SH3RF1: variants seen among roughly 807,000 people sequenced by gnomAD.
The protein encoded by SH3RF1 is SH3 domain containing ring finger 1.
SH3RF1 carries 32 observed loss-of-function variants against 74.0 expected under a neutral mutation model. The ratio of observed to expected loss-of-function variants is 0.43; its 90% CI spans 0.33 to 0.58. SH3RF1 has a LOEUF of 0.58. SH3RF1 is among the 20% of genes least tolerant of loss of function. The pLI, the probability that SH3RF1 is intolerant of heterozygous loss-of-function variation, is 0.05. For synonymous variants in SH3RF1, 396 were observed against 439.6 expected (o/e 0.90, Z 1.24); for missense variants, 954 against 1,130.9 (o/e 0.84, Z 2.24).
intron 2 of SH3RF1, among the ~76,000 whole-genome samples, chr4:169,194,851 T>G (rs1486764246): frequency 6.6e-6 from 1 of 152,186 alleles, no homozygotes; most frequent in Non-Finnish European, 1.5e-5. Context: ...CCACACTTTG[T>G]GGGTATAGTG....
intron 2 of SH3RF1, among the ~76,000 whole-genome samples, chr4:169,246,368 G>T (rs991783319): frequency 3.9e-5 from 6 of 152,316 alleles, no homozygotes; most frequent in African/African-American, 1.4e-4. Context: ...CCACCTCGGT[G>T]TGCTATATAG....
In SH3RF1 at chr4:169,116,375, G is replaced by C; in HGVS notation, c.2033C>G (p.Pro678Arg). 6.2e-7 allele frequency: 1 copy of C among 1,614,196 alleles called. No homozygotes were observed. The highest frequency in any genetic ancestry group is 1.1e-5 in the South Asian group (1 of 91,084). ...GAGAACGGTCACTATCCGGCCACTG[G>C]GCTCAGCCTCCAGAGAAGCACTGGT... ...SITSASLEAE[P>R]SGRIVTVLPG... The change falls in exon 10 of 12, where the codon CCC becomes CGC. Residue 678 changes from proline to arginine, a missense_variant. Pro to Arg is a moderately radical substitution (Grantham distance 103, BLOSUM62 -2). Around this residue, in one of 3 missense-constraint regions of SH3RF1, gnomAD observed 854 missense variants for 962.5 expected, o/e 0.89. Coordinates refer to ENST00000284637, the MANE Select transcript of SH3RF1 (RefSeq NM_020870.4).
intron 7 of SH3RF1, 86 bp downstream of exon 7, chr4:169,122,014 A>C: frequency 6.5e-7 from 1 of 1,545,512 alleles, no homozygotes; most frequent in Non-Finnish European, 8.8e-7. Context: ...TCATCAGCTC[A>C]TGTCAGAAAG....
At chr4:169,100,967 C>A (rs781069194) in intron 11 of SH3RF1, among the ~76,000 whole-genome samples, 1 of 152,350 alleles carries the variant, frequency 6.6e-6, no homozygotes, top group Non-Finnish European at 1.5e-5. Context: ...CAAAGCCTGG[C>A]TCCAGTTCTC....
At chr4:169,146,920 G>A (rs1423665160) in intron 4 of SH3RF1, among the ~76,000 whole-genome samples, 1 of 152,134 alleles carries the variant, frequency 6.6e-6, no homozygotes, top group Non-Finnish European at 1.5e-5. Flanking sequence ...CCTAGGCAGA[G>A]AAGACAGCAA....
chr4:169,218,505 A>G (rs1434563076), intron 2 of SH3RF1, among the ~76,000 whole-genome samples: 1 of 147,052 alleles, frequency 6.8e-6, no homozygotes, highest in African/African-American at 2.5e-5. Context: ...GTATATATAT[A>G]TTTGCCCCCA....
chr4:169,131,333 TAA>T lies in SH3RF1; in HGVS notation c.1069-1179_1069-1178del, dbSNP rs369023379. On this transcript the variant is annotated intron_variant, in intron 5 of 11. Coordinates refer to ENST00000284637, the MANE Select transcript of SH3RF1 (RefSeq NM_020870.4). ...ACTAAGTAGATCCAGGGGGTGGCAC[TAA>T]AAAGAGTTTCTCCCCAAACCCAGTT... Among the ~76,000 whole-genome samples, 5 of 152,330 alleles carry T rather than the reference TAA, an allele frequency of 3.3e-5. No homozygotes were observed. In the East Asian group the frequency reaches 5.8e-4, roughly 18 times the overall value.
chr4:169,253,675 A>T (rs948929333), intron 2 of SH3RF1, among the ~76,000 whole-genome samples: 3 of 152,226 alleles, frequency 2.0e-5, no homozygotes, highest in Non-Finnish European at 4.4e-5. Context: ...CCACCTCTGG[A>T]ATTACTTAGT....
At chr4:169,162,205 AT>A (rs1468195544) in intron 2 of SH3RF1, among the ~76,000 whole-genome samples, 1 of 152,234 alleles carries the variant, frequency 6.6e-6, no homozygotes, top group Non-Finnish European at 1.5e-5. Context: ...AACAAAAAAC[AT>A]GTTGGCTTTT....
rs1380214764 is a variant in SH3RF1 at position 169,259,758 on chromosome 4, A to G, written c.393+9062T>C. Among the ~76,000 whole-genome samples, 121 of 152,236 alleles carry G rather than the reference A, an allele frequency of 7.9e-4. 1 individual carries two copies. Among genetic ancestry groups the G allele is most frequent in the Non-Finnish European group, 4.4e-5 (3 of 68,022 alleles). ...ATTTCTATCATATGTACACCTCACT[A>G]TACTATGTTGCTATGTAAATGAGGC... On this transcript the variant is annotated intron_variant, in intron 2 of 11. Coordinates refer to ENST00000284637, the MANE Select transcript of SH3RF1 (RefSeq NM_020870.4).
At chr4:169,266,189 T>G (rs1731351885) in intron 2 of SH3RF1, among the ~76,000 whole-genome samples, 1 of 152,244 alleles carries the variant, frequency 6.6e-6, no homozygotes, top group Non-Finnish European at 1.5e-5. Context: ...ATTGGAAATG[T>G]TCAAATCTGT....
At chr4:169,197,672 A>G (rs1227992782) in intron 2 of SH3RF1, among the ~76,000 whole-genome samples, 1 of 149,956 alleles carries the variant, frequency 6.7e-6, no homozygotes, top group African/African-American at 2.4e-5. Context: ...TTGTTGTTAT[A>G]TGTCTTATAA....
intron 2 of SH3RF1, among the ~76,000 whole-genome samples, chr4:169,248,072 C>T (rs1004634898): frequency 6.6e-6 from 1 of 152,202 alleles, no homozygotes; most frequent in Non-Finnish European, 1.5e-5. Context: ...TTGTGGAAAA[C>T]AGTGTGGCAC....
Position 169,203,378 on chromosome 4 carries a change from C to T in SH3RF1, c.394-46699G>A, listed in dbSNP as rs893446293. On this transcript the variant is annotated intron_variant, in intron 2 of 11. Transcript: ENST00000284637. ...CCAGCCTGGGCAACATGGTGAAACC[C>T]CACCTCTACCAAAAATACAAAAATT... Among the ~76,000 whole-genome samples, 8 of 152,066 alleles carry T rather than the reference C, an allele frequency of 5.3e-5. No individual in the cohort carries two copies. In the South Asian group the frequency reaches 1.7e-3, roughly 32 times the overall value.
chr4:169,157,875 G>A (rs1040376141), intron 2 of SH3RF1, among the ~76,000 whole-genome samples: 1 of 151,854 alleles, frequency 6.6e-6, no homozygotes, highest in Non-Finnish European at 1.5e-5. Context: ...CAAGTAGCTG[G>A]GATTGCAGGC....
At chr4:169,208,181 T>C (rs908689309) in intron 2 of SH3RF1, among the ~76,000 whole-genome samples, 5 of 151,246 alleles carry the variant, frequency 3.3e-5, no homozygotes, top group African/African-American at 1.2e-4. Flanking sequence ...GGAAACCACA[T>C]TCCTTCACTA....
intron 6 of SH3RF1, among the ~76,000 whole-genome samples, chr4:169,123,180 A>G (rs1412620840): frequency 6.6e-6 from 1 of 152,230 alleles, no homozygotes; most frequent in Non-Finnish European, 1.5e-5. Flanking sequence ...ATATGTCAGC[A>G]TATTAACAAA....
At chr4:169,113,126 C>G (rs1468606415) in intron 10 of SH3RF1, among the ~76,000 whole-genome samples, 1 of 151,822 alleles carries the variant, frequency 6.6e-6, no homozygotes, top group Non-Finnish European at 1.5e-5. Context: ...TTTTTTCCCC[C>G]CTGAGACAGA....
chr4:169,173,888 C>T (rs564066211), intron 2 of SH3RF1, among the ~76,000 whole-genome samples: 1 of 152,138 alleles, frequency 6.6e-6, no homozygotes, highest in South Asian at 2.1e-4. Flanking sequence ...TACCCTCTTT[C>T]TCACCAAGTC....
Sources: allele counts gnomAD v4.1 joint callset (sites outside exome capture counted in the v4.1 genomes callset), GRCh38; gene constraint gnomAD v4.1.1; regional missense constraint gnomAD v4.1.1; transcripts MANE v1.5; gene names NCBI Gene and HGNC (gene_info 2026-07-23, HGNC 2026-07-21).